Variants in IFI27 observed in about 807,000 individuals in gnomAD.
The protein encoded by IFI27 is interferon alpha inducible protein 27, also known as interferon alpha-inducible protein 27, mitochondrial.
IFI27 carries 3 observed loss-of-function variants against 8.9 expected under a neutral mutation model. The observed-to-expected ratio is 0.34, with a 90% confidence interval of 0.15 to 0.87. IFI27 has a LOEUF of 0.87. IFI27 is among the 40% of genes least tolerant of loss of function. The probability of loss-of-function intolerance (pLI) is 0.51; values close to 1 mark genes in which losing one functional copy is unlikely to be tolerated. For missense variants in IFI27, 152 were observed against 157.7 expected (o/e 0.96, Z 0.19); for synonymous variants, 66 against 67.3 (o/e 0.98, Z 0.09).
upstream of IFI27, among the ~76,000 whole-genome samples, chr14:94,109,435 A>AAAGGAAG: frequency 8.5e-6 from 1 of 116,962 alleles, no homozygotes; most frequent in Non-Finnish European, 1.8e-5. Context: ...GGAAAGGAAG[A>AAAGGAAG]AAAAAAGTTT....
upstream of IFI27, among the ~76,000 whole-genome samples, chr14:94,109,226 C>G (rs1338490943): frequency 1.3e-5 from 2 of 148,874 alleles, no homozygotes; most frequent in Non-Finnish European, 3.0e-5. Context: ...ATCACTCCAC[C>G]GGGAGGTGGA....
chr14:94,111,820 G>T lies in IFI27; in HGVS notation c.91+47G>T, dbSNP rs770963065. On this transcript the variant is annotated intron_variant, in intron 2 of 4. Coordinates refer to ENST00000621160, the Ensembl canonical transcript of IFI27. This position sits in a 1 kb window ranked among gnomAD's most constrained non-coding sequence, Gnocchi z 4.3. ...TGGTGCTGGGGGCGAGGAGGCGGCT[G>T]GGAAGGGCGGGGGTCCTGTCCCGGG... 7.1e-7 allele frequency: 1 copy of T among 1,402,834 alleles called. No individual in the cohort carries two copies. Among genetic ancestry groups the T allele is most frequent in the South Asian group, 1.2e-5 (1 of 86,748 alleles). The allele number at this position is 1,402,834 out of a possible 1,614,324, so 86.9% of individuals were successfully genotyped here.
chr14:94,110,492 C>T (rs908253466), upstream of IFI27, among the ~76,000 whole-genome samples: 1 of 152,204 alleles, frequency 6.6e-6, no homozygotes, highest in Non-Finnish European at 1.5e-5. Context: ...CTGCGTAGAG[C>T]ACACTCCCAT....
Position 94,111,572 on chromosome 14 carries a change from A to C in IFI27, c.-58-53A>C. On this transcript the variant is annotated intron_variant, in intron 1 of 4. Transcript: ENST00000621160. The surrounding 1 kb of genome is among the most constrained non-coding windows in gnomAD (Gnocchi z 4.3). ...CGTCACATTTTTCAGGACAGTGGGAAGCAAGTCAGGTTGTGTGCCCATCCC... is the reference window on the plus strand; with the variant it reads ...CGTCACATTTTTCAGGACAGTGGGACGCAAGTCAGGTTGTGTGCCCATCCC... 1.2e-6 allele frequency: 1 copy of C among 839,912 alleles called. No homozygotes were observed. The highest frequency in any genetic ancestry group is 2.0e-6 in the Non-Finnish European group (1 of 496,148). 52.0% of individuals were successfully genotyped at this position (839,912 alleles called of 1,614,324 possible).
rs1430538181 is a variant in IFI27 at position 94,111,441 on chromosome 14, C to T, written c.-58-184C>T. Reference sequence around the variant, plus strand: ...TCAGGGCCCTGACCTAACACAGGTCCTTTGGTAGCCCCAACTCCCCAACAT... The same window carrying T: ...TCAGGGCCCTGACCTAACACAGGTCTTTTGGTAGCCCCAACTCCCCAACAT... On this transcript the variant is annotated intron_variant, in intron 1 of 4. Transcript: ENST00000621160. This position sits in a 1 kb window ranked among gnomAD's most constrained non-coding sequence, Gnocchi z 4.3. 6.6e-6 allele frequency among the ~76,000 whole-genome samples: 1 copy of T among 152,110 alleles called. No homozygotes were observed. The highest frequency in any genetic ancestry group is 2.4e-5 in the African/African-American group (1 of 41,390).
intron 3 of IFI27, 141 bp downstream of exon 3, chr14:94,115,021 C>T (rs915844888): frequency 5.3e-6 from 4 of 754,390 alleles, no homozygotes. Context: ...TAAGTATGAA[C>T]CAAGGAGCTA....
chr14:94,106,718 T>G (rs1352342728), upstream of IFI27, among the ~76,000 whole-genome samples: 1 of 152,216 alleles, frequency 6.6e-6, no homozygotes, highest in African/African-American at 2.4e-5. Context: ...AGCATGGCAC[T>G]GGTATCTGCT....
chr14:94,108,896 G>T (rs148701794), upstream of IFI27, among the ~76,000 whole-genome samples: 1 of 152,190 alleles, frequency 6.6e-6, no homozygotes, highest in East Asian at 1.9e-4. Flanking sequence ...AAAGGAAAAA[G>T]CTGGGGATTT....
upstream of IFI27, among the ~76,000 whole-genome samples, chr14:94,107,328 C>T (rs1887029987): frequency 6.6e-6 from 1 of 152,190 alleles, no homozygotes; most frequent in Non-Finnish European, 1.5e-5. Flanking sequence ...GCCTCGGCTT[C>T]CCAAAGTAGT....
At chr14:94,108,902 G>A (rs1359510499), upstream of IFI27, among the ~76,000 whole-genome samples, 2 of 152,226 alleles carry the variant, frequency 1.3e-5, no homozygotes, top group East Asian at 3.8e-4. Context: ...AAAAGCTGGG[G>A]ATTTTTAGAG....
chr14:94,113,770 T>C (rs1887280257), intron 2 of IFI27: 1 of 152,406 alleles, frequency 6.6e-6, no homozygotes, highest in East Asian at 1.9e-4. Flanking sequence ...AACGAGGTTA[T>C]CCATTCCTGA....
In IFI27 at chr14:94,116,024, A is replaced by G. The variant is rs1012283926; in HGVS notation, c.283+82A>G. 8 of 1,274,302 alleles carry G rather than the reference A, an allele frequency of 6.3e-6. No homozygotes were observed. The highest frequency in any genetic ancestry group is 2.0e-5 in the Admixed American group (1 of 50,686). The allele number at this position is 1,274,302 out of a possible 1,614,324, so 78.9% of individuals were successfully genotyped here. On this transcript the variant is annotated intron_variant, in intron 4 of 4. Coordinates refer to ENST00000621160, the Ensembl canonical transcript of IFI27. The surrounding 1 kb of genome is among the most constrained non-coding windows in gnomAD (Gnocchi z 4.3). ...AGGACCCAGTCCCAATCTCAACCCT[A>G]TGAACCTCAATCTCCCTGTTCCTCT...
chr14:94,112,362 G>A (rs771213677), intron 2 of IFI27, among the ~76,000 whole-genome samples: 3 of 151,978 alleles, frequency 2.0e-5, no homozygotes, highest in East Asian at 1.9e-4. Context: ...TTTTGTTTGC[G>A]GGCATTTTAA....
chr14:94,110,272 G>A (rs1012290738), upstream of IFI27, among the ~76,000 whole-genome samples: 5 of 152,204 alleles, frequency 3.3e-5, no homozygotes, highest in African/African-American at 1.2e-4. Flanking sequence ...ACTCTGTGAG[G>A]ATGGATATTT....
Position 94,116,481 on chromosome 14 carries a change from G to A in IFI27, c.323G>A (p.Gly108Asp). The stretch of plus-strand genomic sequence containing the variant: ...TCCGGATTGACCAAGTTCATCCTGG[G>A]CTCCATTGGGTCTGCCATTGCGGCT... Residue 108 changes from glycine to aspartate, a missense_variant, in exon 5 of 5, where the codon GGC becomes GAC. Physicochemically the swap from Gly to Asp is moderately conservative, Grantham distance 94. Coordinates refer to ENST00000621160, the Ensembl canonical transcript of IFI27. The surrounding 1 kb of genome is among the most constrained non-coding windows in gnomAD (Gnocchi z 4.3). The A allele has an allele frequency of 1.9e-6, 3 of 1,613,552 alleles. No individual in the cohort carries two copies. The highest frequency in any genetic ancestry group is 1.1e-5 in the South Asian group (1 of 90,832).
chr14:94,114,879 A>G, exon 3 of IFI27: 1 of 1,614,090 alleles, frequency 6.2e-7, no homozygotes, highest in South Asian at 1.1e-5. Context: ...TGATTGGAGG[A>G]GGTGAGTCTG....
chr14:94,115,250 G>A (rs1011590108), intron 3 of IFI27: 4 of 575,736 alleles, frequency 6.9e-6, no homozygotes, highest in Non-Finnish European at 1.3e-5. Flanking sequence ...ATTGCATAGG[G>A]TGAAACAATA....
At chr14:94,107,987 C>A (rs887953841), upstream of IFI27, among the ~76,000 whole-genome samples, 2 of 152,170 alleles carry the variant, frequency 1.3e-5, no homozygotes, top group Admixed American at 6.5e-5. Context: ...CTCTCCCTCA[C>A]CCAGCCCCCT....
rs775606082 is a variant in IFI27, at chr14:94,111,758, G to A, written c.76G>A (p.Val26Ile). ...GGTCAGGGTGGCCTCTGGCTCTGCCGTAGTTTTGCCCCTGGGTGAGTGTTC... is the reference window on the plus strand; with the variant it reads ...GGTCAGGGTGGCCTCTGGCTCTGCCATAGTTTTGCCCCTGGGTGAGTGTTC... The change falls in exon 2 of 5, where the codon GTA (valine) becomes ATA (isoleucine). Residue 26 changes from valine (V) to isoleucine (I), a missense_variant. Physicochemically the swap from Val to Ile is conservative, Grantham distance 29. Coordinates refer to ENST00000621160, the Ensembl canonical transcript of IFI27. This position sits in a 1 kb window ranked among gnomAD's most constrained non-coding sequence, Gnocchi z 4.3. 2.2e-5 allele frequency: 35 copies of A among 1,613,806 alleles called. No individual in the cohort carries two copies. Among genetic ancestry groups the A allele is most frequent in the Admixed American group, 3.3e-5 (2 of 60,012 alleles).
Sources: allele counts gnomAD v4.1 joint callset (sites outside exome capture counted in the v4.1 genomes callset), GRCh38; gene constraint gnomAD v4.1.1; non-coding constraint Gnocchi (gnomAD v3.1); transcripts MANE v1.5; gene names NCBI Gene and HGNC (gene_info 2026-07-23, HGNC 2026-07-21).